CCDC110: variants seen among roughly 807,000 people sequenced by gnomAD.
CCDC110 encodes the protein coiled-coil domain containing 110.
Under a neutral mutation model 77.1 loss-of-function variants are expected in CCDC110, and 70 were observed. The observed-to-expected ratio is 0.91, with a 90% CI of 0.75 to 1.11. The LOEUF (loss-of-function observed/expected upper bound fraction) is 1.11. Ranked by LOEUF, CCDC110 falls within the 50% of genes least tolerant of loss-of-function variation. The pLI, the probability that CCDC110 is intolerant of heterozygous loss-of-function variation, is 0.00. For missense variants in CCDC110, 868 were observed against 942.9 expected (o/e 0.92, Z 1.04); for synonymous variants, 295 against 312.5 (o/e 0.94, Z 0.59).
intron 2 of CCDC110, among the ~76,000 whole-genome samples, chr4:185,466,452 G>C (rs1053723637): frequency 5.9e-5 from 9 of 152,212 alleles, no homozygotes; most frequent in Non-Finnish European, 8.8e-5. Context: ...CCCGAACGAA[G>C]TGCTTGAGGA....
At chr4:185,454,443 G>A (rs565636087) in intron 6 of CCDC110, among the ~76,000 whole-genome samples, 11 of 151,998 alleles carry the variant, frequency 7.2e-5, no homozygotes, top group African/African-American at 2.2e-4. Flanking sequence ...GTCGGGCGTG[G>A]TGGCTCACGC....
intron 2 of CCDC110, among the ~76,000 whole-genome samples, chr4:185,463,447 C>T (rs995355287): frequency 2.0e-5 from 3 of 152,126 alleles, no homozygotes; most frequent in Admixed American, 1.3e-4. Context: ...ACATTTTTCC[C>T]CTTATGGAAA....
In CCDC110 at chr4:185,459,936, T is replaced by C. The variant is rs1184955629; in HGVS notation, c.651A>G (p.Thr217=). The C allele has an allele frequency of 3.7e-6, 6 of 1,613,792 alleles. No individual in the cohort carries two copies. Among genetic ancestry groups the C allele is most frequent in the Non-Finnish European group, 5.1e-6 (6 of 1,179,884 alleles). The change falls in exon 6 of 7, where the codon ACA becomes ACG. Residue 217 remains threonine (T), a synonymous_variant. Transcript: ENST00000307588. ...APPNVMSQAD[T]VILDKSKITV... ...TAATTTTGGATTTATCCAGAATTAC[T>C]GTATCAGCTTGAGACATCACATTTG...
At chr4:185,449,443 A>G (rs2095624746) in intron 6 of CCDC110, among the ~76,000 whole-genome samples, 1 of 152,074 alleles carries the variant, frequency 6.6e-6, no homozygotes, top group African/African-American at 2.4e-5. Context: ...ATTGCCTAAA[A>G]GCCTAGGAGG....
chr4:185,466,362 C>T (rs758132932), intron 2 of CCDC110, among the ~76,000 whole-genome samples: 14 of 151,804 alleles, frequency 9.2e-5, no homozygotes, highest in Non-Finnish European at 1.9e-4. Flanking sequence ...GAGACAAGAG[C>T]GAAACTCCAT....
chr4:185,461,021 T>C, intron 5 of CCDC110, 28 bp downstream of exon 5: 1 of 1,232,376 alleles, frequency 8.1e-7, no homozygotes. Context: ...TACCTACATA[T>C]AGAAATGATT....
chr4:185,461,065 C>T lies in CCDC110; in HGVS notation c.332G>A (p.Arg111His), dbSNP rs186692677. 3.6e-5 allele frequency: 56 copies of T among 1,548,946 alleles called. No individual in the cohort carries two copies. In the Middle Eastern group the frequency reaches 5.1e-4, roughly 14 times the overall value. The change falls in exon 5 of 7, where the codon CGC (arginine) becomes CAC (histidine). Residue 111 changes from arginine to histidine, a missense_variant. Coordinates refer to ENST00000307588, the MANE Select transcript of CCDC110 (RefSeq NM_152775.4). The part of the protein sequence containing the change: ...SSEKNLVFGT[R>H]IEKDLPTENQ... Reference sequence around the variant, plus strand: ...ATAACATACCAAATCCTTTTCAATGCGCGTGCCAAACACCAGATTTTTTTC... The same window carrying T: ...ATAACATACCAAATCCTTTTCAATGTGCGTGCCAAACACCAGATTTTTTTC...
Position 185,458,630 on chromosome 4 carries a change from C to A in CCDC110, c.1957G>T (p.Ala653Ser). 1 of 1,608,554 alleles carries A rather than the reference C, an allele frequency of 6.2e-7. No individual in the cohort carries two copies. Among genetic ancestry groups the A allele is most frequent in the Non-Finnish European group, 8.5e-7 (1 of 1,179,644 alleles). The change falls in exon 6 of 7, where the codon GCT (alanine) becomes TCT (serine). Residue 653 changes from alanine (A) to serine (S), a missense_variant. By Grantham distance (99) the Ala-to-Ser change is moderately conservative (BLOSUM62 1). Coordinates refer to ENST00000307588, the MANE Select transcript of CCDC110 (RefSeq NM_152775.4). ...TCTCTTTCCATAATTTGTCTGGCAGCAGTAGATTCTTGTAATGTTGTTTCA... is the reference window on the plus strand; with the variant it reads ...TCTCTTTCCATAATTTGTCTGGCAGAAGTAGATTCTTGTAATGTTGTTTCA... ...NLETTLQEST[A>S]ARQIMEREIE...
chr4:185,466,290 G>A (rs6851635), intron 2 of CCDC110, among the ~76,000 whole-genome samples: 65,947 of 151,854 alleles, frequency 0.43, 15,441 homozygotes, highest in African/African-American at 0.63. Flanking sequence ...CAGGAGAATC[G>A]TTTGAACGTG....
At chr4:185,467,333 G>A (rs536000102) in intron 2 of CCDC110, among the ~76,000 whole-genome samples, 3 of 152,134 alleles carry the variant, frequency 2.0e-5, no homozygotes, top group South Asian at 2.1e-4. Context: ...CAGAGACATC[G>A]GCTGCTACTT....
rs372188187 is a variant in CCDC110, at chr4:185,458,293, C to T, written c.2294G>A (p.Arg765Gln). Residue 765 changes from arginine (R) to glutamine (Q), a missense_variant, in exon 6 of 7, where the codon CGG becomes CAG. Arg to Gln is a conservative substitution (Grantham distance 43). Transcript: ENST00000307588. ...ACTTAAATATTCTCGTTGAAGATGC[C>T]GCATCTCAAATTCCAAGGTATCCCT... ...NERDTLEFEMRHLQREYLSLS... is the reference protein window; with the variant it reads ...NERDTLEFEMQHLQREYLSLS... 5.3e-5 allele frequency: 84 copies of T among 1,593,692 alleles called. 3 individuals are homozygous for T. In the East Asian group the frequency reaches 8.3e-4, roughly 16 times the overall value.
At chr4:185,453,565 C>T (rs9996757) in intron 6 of CCDC110, among the ~76,000 whole-genome samples, 34,417 of 145,010 alleles carry the variant, frequency 0.24, 4,928 homozygotes, top group African/African-American at 0.41. Flanking sequence ...TTTTTTTTCC[C>T]GAGACAGGGT....
intron 2 of CCDC110, among the ~76,000 whole-genome samples, chr4:185,463,421 G>A (rs1042013578): frequency 6.6e-6 from 1 of 152,174 alleles, no homozygotes; most frequent in African/African-American, 2.4e-5. Flanking sequence ...CTCAATTTCT[G>A]TGAAATTTCC....
Position 185,461,016 on chromosome 4 carries a change from A to T in CCDC110, c.348+33T>A, listed in dbSNP as rs756821516. 10 of 873,812 alleles carry T rather than the reference A, an allele frequency of 1.1e-5. No homozygotes were observed. In the African/African-American group the frequency reaches 2.3e-4, roughly 20 times the overall value. 54.1% of individuals were successfully genotyped at this position (873,812 alleles called of 1,614,324 possible). On this transcript the variant is annotated intron_variant, in intron 5 of 6. Transcript: ENST00000307588. ...ATGGTAGTCACGTTTTGAAGTACCT[A>T]CATATAGAAATGATTTCTGTAGAAT...
chr4:185,460,168 T>G lies in CCDC110; in HGVS notation c.419A>C (p.His140Pro). Residue 140 changes from histidine to proline, a missense_variant, in exon 6 of 7, where the codon CAT becomes CCT. By Grantham distance (77) the His-to-Pro change is moderately conservative. Coordinates refer to ENST00000307588, the MANE Select transcript of CCDC110 (RefSeq NM_152775.4). ...ACCACTTAATTTTTCTTCCACTGAA[T>G]GAAGTGTCTTGGAATCCTCAAAATG... ...SHHFEDSKTL[H>P]SVEEKLSGDS... The G allele has an allele frequency of 6.2e-7, 1 of 1,612,404 alleles. No homozygotes were observed. Among genetic ancestry groups the G allele is most frequent in the Non-Finnish European group, 8.5e-7 (1 of 1,179,840 alleles).
intron 6 of CCDC110, among the ~76,000 whole-genome samples, chr4:185,455,896 A>G (rs866577861): frequency 1.3e-5 from 2 of 150,532 alleles, no homozygotes; most frequent in Non-Finnish European, 3.0e-5. Context: ...AAAAAAAAAT[A>G]TTAATAATAA....
At chr4:185,471,499 C>T (rs933838556) in intron 1 of CCDC110, 175 bp downstream of exon 1, 4 of 631,466 alleles carry the variant, frequency 6.3e-6, no homozygotes, top group Non-Finnish European at 1.0e-5. Context: ...ACAGCGGACG[C>T]AGGGGGCCGC....
chr4:185,459,176 G>C lies in CCDC110; in HGVS notation c.1411C>G (p.Gln471Glu), dbSNP rs763319520. Residue 471 changes from glutamine to glutamate, a missense_variant, in exon 6 of 7, where the codon CAG (glutamine) becomes GAG (glutamate). Transcript: ENST00000307588. ...PLIFTTQSLI[Q>E]KVETYEKQLK... ...TGCTTTTCATATGTTTCAACTTTCT[G>C]TATGAGAGATTGTGTGGTAAAGATA... 6.2e-7 allele frequency: 1 copy of C among 1,601,630 alleles called. No homozygotes were observed. The highest frequency in any genetic ancestry group is 2.2e-5 in the East Asian group (1 of 44,708).
chr4:185,451,055 C>T (rs192321969), intron 6 of CCDC110, among the ~76,000 whole-genome samples: 143 of 152,134 alleles, frequency 9.4e-4, no homozygotes, highest in South Asian at 7.1e-3. Context: ...ATACTGTTCT[C>T]GTGGTAGTGA....
Sources: allele counts gnomAD v4.1 joint callset (sites outside exome capture counted in the v4.1 genomes callset), GRCh38; gene constraint gnomAD v4.1.1; transcripts MANE v1.5; gene names NCBI Gene and HGNC (gene_info 2026-07-23, HGNC 2026-07-21).